Variants in SEC23A observed in about 807,000 individuals in gnomAD.
SEC23A encodes the protein protein transport protein Sec23A.
SEC23A carries 56 observed loss-of-function variants against 103.7 expected under a neutral mutation model. The observed-to-expected ratio is 0.54, with a 90% CI of 0.44 to 0.67. The LOEUF (loss-of-function observed/expected upper bound fraction) is 0.67. SEC23A is among the 30% of genes least tolerant of loss of function. The pLI is 0.00. For missense variants in SEC23A, 784 were observed against 936.4 expected (o/e 0.84, Z 2.12); for synonymous variants, 281 against 293.0 (o/e 0.96, Z 0.42).
chr14:39,069,907 T>C (rs943039363), intron 9 of SEC23A, among the ~76,000 whole-genome samples: 1 of 152,250 alleles, frequency 6.6e-6, no homozygotes, highest in Non-Finnish European at 1.5e-5. Flanking sequence ...TATTTAGAAC[T>C]GCAAACCCCA....
intron 7 of SEC23A, among the ~76,000 whole-genome samples, chr14:39,078,368 CG>C (rs1174809188): frequency 1.3e-5 from 2 of 152,096 alleles, no homozygotes; most frequent in Non-Finnish European, 2.9e-5. Flanking sequence ...AAAGAATCAA[CG>C]AAACACATCA....
At position 39,094,440 on chromosome 14, in the gene SEC23A, ATATTTTT is replaced by A. The variant is rs1237174946; in HGVS notation, c.222-1203_222-1197del. ...TATATATATATATATATATATATAT[ATATTTTT>A]TTTTTTTTTTTTTCCCCTCCTGTAG... On this transcript the variant is annotated intron_variant, in intron 2 of 19. Transcript: ENST00000307712. Among the ~76,000 whole-genome samples, 7 of 13,080 alleles carry A rather than the reference ATATTTTT, an allele frequency of 5.4e-4. 2 individuals are homozygous for A. Among genetic ancestry groups the A allele is most frequent in the African/African-American group, 2.8e-3 (4 of 1,422 alleles). The allele number at this position is 13,080 out of a possible 152,430, so 8.6% of individuals were successfully genotyped here. A position where few individuals can be genotyped will look rare whatever the true frequency, so the allele number is the denominator to read the frequency against.
chr14:39,044,623 C>T (rs1295651949), intron 16 of SEC23A, among the ~76,000 whole-genome samples: 1 of 152,072 alleles, frequency 6.6e-6, no homozygotes, highest in Admixed American at 6.5e-5. Context: ...CATTTGATAA[C>T]AGGTTAAAAT....
intron 16 of SEC23A, among the ~76,000 whole-genome samples, chr14:39,044,190 T>C (rs1239767126): frequency 6.6e-6 from 1 of 152,032 alleles, no homozygotes; most frequent in African/African-American, 2.4e-5. Flanking sequence ...AATGAAAAGG[T>C]TGAAATTTAA....
intron 7 of SEC23A, among the ~76,000 whole-genome samples, chr14:39,084,304 G>A (rs1456615337): frequency 6.6e-6 from 1 of 152,114 alleles, no homozygotes; most frequent in Non-Finnish European, 1.5e-5. Context: ...GGGATTACAG[G>A]CGTGAACCAC....
At chr14:39,101,958 G>A (rs1888112180) in intron 1 of SEC23A, among the ~76,000 whole-genome samples, 1 of 152,170 alleles carries the variant, frequency 6.6e-6, no homozygotes, top group African/African-American at 2.4e-5. Flanking sequence ...CTGGCCGGGC[G>A]CAGTGGCTCA....
chr14:39,098,324 T>A (rs564227573), intron 1 of SEC23A, among the ~76,000 whole-genome samples: 1 of 152,114 alleles, frequency 6.6e-6, no homozygotes, highest in South Asian at 2.1e-4. Context: ...ACAGCTTCCA[T>A]GTTACTGATG....
At chr14:39,096,919 A>G (rs1365689459) in intron 1 of SEC23A, among the ~76,000 whole-genome samples, 1 of 152,218 alleles carries the variant, frequency 6.6e-6, no homozygotes, top group Non-Finnish European at 1.5e-5. Context: ...GATTTTCCTA[A>G]AACTGGACAC....
intron 14 of SEC23A, among the ~76,000 whole-genome samples, chr14:39,051,036 C>A (rs1422911390): frequency 6.6e-6 from 1 of 152,170 alleles, no homozygotes; most frequent in Non-Finnish European, 1.5e-5. Flanking sequence ...ATTACAACAA[C>A]AGCAACACAA....
chr14:39,098,274 C>T (rs1471346915), intron 1 of SEC23A, among the ~76,000 whole-genome samples: 4 of 151,788 alleles, frequency 2.6e-5, no homozygotes, highest in South Asian at 2.1e-4. Context: ...ACAACCAGGA[C>T]GTGGGGGTGA....
At chr14:39,057,292 C>A (rs557850491) in intron 13 of SEC23A, among the ~76,000 whole-genome samples, 2 of 131,242 alleles carry the variant, frequency 1.5e-5, no homozygotes, top group South Asian at 5.1e-4. Context: ...GGCGACAGAG[C>A]GAGACTTTGT....
chr14:39,064,219 A>C (rs1428436449), intron 11 of SEC23A, among the ~76,000 whole-genome samples: 1 of 152,102 alleles, frequency 6.6e-6, no homozygotes, highest in Non-Finnish European at 1.5e-5. Context: ...AACTGCTTGT[A>C]CATATTAATT....
chr14:39,053,448 C>A (rs1159266692), intron 14 of SEC23A, among the ~76,000 whole-genome samples: 2 of 151,362 alleles, frequency 1.3e-5, no homozygotes, highest in African/African-American at 4.9e-5. Flanking sequence ...CTTGAAGGAA[C>A]TGTGTTGGCA....
intron 2 of SEC23A, among the ~76,000 whole-genome samples, chr14:39,093,915 A>G (rs920773360): frequency 2.6e-5 from 4 of 152,182 alleles, no homozygotes; most frequent in African/African-American, 9.6e-5. Flanking sequence ...ATAAGTACCA[A>G]CCACTATTTT....
rs554998416 is a variant in SEC23A, at chr14:39,055,368, C to T, written c.1506-72G>A. The T allele has an allele frequency of 5.3e-5, 74 of 1,402,474 alleles. 1 individual carries two copies. Among genetic ancestry groups the T allele is most frequent in the South Asian group, 5.2e-4 (44 of 84,538 alleles). 86.9% of individuals were successfully genotyped at this position (1,402,474 alleles called of 1,614,324 possible). On this transcript the variant is annotated intron_variant, in intron 13 of 19. Coordinates refer to ENST00000307712, the MANE Select transcript of SEC23A (RefSeq NM_006364.4). The stretch of plus-strand genomic sequence containing the variant: ...CACAATATCATAGTTGGCTACCACA[C>T]AAATTTAAATTTAAAAGATAAAAGA...
Position 39,040,882 on chromosome 14 carries a change from T to C in SEC23A, c.1992A>G (p.Ile664Met). The stretch of plus-strand genomic sequence containing the variant: ...GGTATCCTGACTTCCGCCACTGTGC[T>C]ATGGTCTAATTTTAAAACAATTAAA... ...FQILIYHGET[I>M]AQWRKSGYQD... Residue 664 changes from isoleucine (I) to methionine (M), a missense_variant, in exon 18 of 20, where the codon ATA becomes ATG. By Grantham distance (10) the Ile-to-Met change is conservative. Around this residue, in one of 2 missense-constraint regions of SEC23A, gnomAD observed 101 missense variants for 162.2 expected, o/e 0.62. Coordinates refer to ENST00000307712, the MANE Select transcript of SEC23A (RefSeq NM_006364.4). The C allele has an allele frequency of 6.2e-7, 1 of 1,613,468 alleles. No homozygotes were observed. Among genetic ancestry groups the C allele is most frequent in the Non-Finnish European group, 8.5e-7 (1 of 1,179,674 alleles).
chr14:39,094,385 C>T lies in SEC23A; in HGVS notation c.222-1141G>A, dbSNP rs1222983398. 7.2e-5 allele frequency among the ~76,000 whole-genome samples: 4 copies of T among 55,448 alleles called. 1 individual carries two copies. Among genetic ancestry groups the T allele is most frequent in the African/African-American group, 2.3e-4 (4 of 17,686 alleles). 36.4% of individuals were successfully genotyped at this position (55,448 alleles called of 152,430 possible). On this transcript the variant is annotated intron_variant, in intron 2 of 19. Coordinates refer to ENST00000307712, the MANE Select transcript of SEC23A (RefSeq NM_006364.4). The stretch of plus-strand genomic sequence containing the variant: ...ATACATATATATATACACACACACA[C>T]ACACACACACACATATATATATATA...
intron 2 of SEC23A, 100 bp downstream of exon 2, chr14:39,095,798 G>T: frequency 6.1e-6 from 6 of 977,064 alleles, no homozygotes; most frequent in Admixed American, 2.2e-5. Flanking sequence ...GAAAAAATTA[G>T]TATGAACAAA....
chr14:39,043,813 G>A (rs1357220207), intron 16 of SEC23A, among the ~76,000 whole-genome samples: 1 of 152,198 alleles, frequency 6.6e-6, no homozygotes, highest in African/African-American at 2.4e-5. Context: ...GGTAAATACT[G>A]TTGAGAGCTC....
Sources: allele counts gnomAD v4.1 joint callset (sites outside exome capture counted in the v4.1 genomes callset), GRCh38; gene constraint gnomAD v4.1.1; regional missense constraint gnomAD v4.1.1; transcripts MANE v1.5; gene names NCBI Gene and HGNC (gene_info 2026-07-23, HGNC 2026-07-21).